The following NUP210L variants were observed in gnomAD, a reference collection of about 807,000 sequenced individuals.
NUP210L encodes nucleoporin 210 like, also known as nuclear pore membrane glycoprotein 210-like.
Under a neutral mutation model 208.5 loss-of-function variants are expected in NUP210L, and 74 were observed. The ratio of observed to expected loss-of-function variants is 0.35; its 90% CI spans 0.29 to 0.43. The LOEUF is 0.43. Among genes scored for constraint, NUP210L ranks in the 20% least tolerant of loss-of-function variants. The probability of loss-of-function intolerance (pLI) is 1.00; values close to 1 mark genes in which losing one functional copy is unlikely to be tolerated. For synonymous variants in NUP210L, 780 were observed against 816.9 expected, an observed-to-expected ratio of 0.95 and a Z score of 0.77; for missense variants, 1,843 against 2,289.4, an observed-to-expected ratio of 0.81 and a Z score of 3.98.
intron 23 of NUP210L, among the ~76,000 whole-genome samples, chr1:154,055,487 G>A (rs1653813776): frequency 6.6e-6 from 1 of 152,080 alleles, no homozygotes; most frequent in Non-Finnish European, 1.5e-5. Flanking sequence ...CTAACCTCAG[G>A]TGATCCACCT....
chr1:154,057,565 T>C (rs1653932093), intron 22 of NUP210L, among the ~76,000 whole-genome samples: 1 of 152,106 alleles, frequency 6.6e-6, no homozygotes, highest in Non-Finnish European at 1.5e-5. Flanking sequence ...CCTCTAAATA[T>C]ATTTTTAAAG....
At chr1:154,065,699 C>T (rs1472393598) in intron 17 of NUP210L, among the ~76,000 whole-genome samples, 1 of 151,900 alleles carries the variant, frequency 6.6e-6, no homozygotes, top group African/African-American at 2.4e-5. Flanking sequence ...TCGAGACCAT[C>T]TTGGGCAACA....
At position 154,059,929 on chromosome 1, in the gene NUP210L, T is replaced by C. The variant is rs79660639; in HGVS notation, c.2850+611A>G. On this transcript the variant is annotated intron_variant, in intron 20 of 39. Coordinates refer to ENST00000368559, the Ensembl canonical transcript of NUP210L. ...GTTAATGTTTTGAGTTGTCATGTCC[T>C]GGCTGAAAACATCATATATTCATGT... 4.2e-3 allele frequency among the ~76,000 whole-genome samples: 647 copies of C among 152,328 alleles called. 2 individuals are homozygous for C. The highest frequency in any genetic ancestry group is 0.012 in the African/African-American group (494 of 41,570).
intron 17 of NUP210L, among the ~76,000 whole-genome samples, chr1:154,065,518 C>T (rs1271777602): frequency 1.3e-5 from 2 of 152,086 alleles, no homozygotes; most frequent in Non-Finnish European, 2.9e-5. Context: ...GGAAAACTAC[C>T]TTCACATTTT....
rs151064115 is a variant in NUP210L, at chr1:154,115,875, A to T, written c.1620+1850T>A. 2.6e-3 allele frequency among the ~76,000 whole-genome samples: 400 copies of T among 151,864 alleles called. 2 individuals carry two copies. The highest frequency in any genetic ancestry group is 9.2e-3 in the African/African-American group (381 of 41,412). ...GGCTCATGCCTGTAATCCCACCACTATGGAAGGCCGGGGTGGGCGGATCAC... is the reference window on the plus strand; with the variant it reads ...GGCTCATGCCTGTAATCCCACCACTTTGGAAGGCCGGGGTGGGCGGATCAC... On this transcript the variant is annotated intron_variant, in intron 12 of 39. Transcript: ENST00000368559.
intron 23 of NUP210L, among the ~76,000 whole-genome samples, chr1:154,055,171 C>CTTTCTTTT (rs767016306): frequency 8.6e-6 from 1 of 116,386 alleles, no homozygotes; most frequent in South Asian, 3.0e-4. Context: ...TTCTTTCTTT[C>CTTTCTTTT]TTTCTTTCTT....
chr1:154,128,872 C>CA (rs919367409), intron 8 of NUP210L, among the ~76,000 whole-genome samples: 3 of 151,642 alleles, frequency 2.0e-5, no homozygotes, highest in Non-Finnish European at 4.4e-5. Context: ...CAAACACAAA[C>CA]AAAAAAAAGA....
chr1:154,029,791 A>AAC, intron 28 of NUP210L, 105 bp downstream of exon 28: 1 of 863,496 alleles, frequency 1.2e-6, no homozygotes, highest in Non-Finnish European at 1.8e-6. Flanking sequence ...GAATCGCTCT[A>AAC]ACAATTATCT....
intron 16 of NUP210L, chr1:154,079,945 T>G (rs1168473375): frequency 6.6e-6 from 1 of 152,274 alleles, no homozygotes; most frequent in Non-Finnish European, 1.5e-5. Context: ...TAATTTTAAA[T>G]TCCTAGAGTT....
intron 4 of NUP210L, among the ~76,000 whole-genome samples, 167 bp from the exon 5 acceptor site, chr1:154,140,119 G>A (rs1658763951): frequency 6.6e-6 from 1 of 152,076 alleles, no homozygotes; most frequent in Non-Finnish European, 1.5e-5. Flanking sequence ...GGGAGGCCAA[G>A]GCGGGCACAT....
At chr1:154,095,019 A>G in exon 15 of NUP210L, 1 of 1,614,152 alleles carries the variant, frequency 6.2e-7, no homozygotes, top group Non-Finnish European at 8.5e-7. Context: ...GTGCTATTCC[A>G]ATCTTCTCTG....
chr1:154,113,279 T>C (rs1260465714), intron 12 of NUP210L, among the ~76,000 whole-genome samples: 2 of 150,040 alleles, frequency 1.3e-5, no homozygotes, highest in Non-Finnish European at 3.0e-5. Context: ...ATATATGTTA[T>C]TTACTATTAT....
chr1:154,109,645 T>C (rs571039703), intron 12 of NUP210L, among the ~76,000 whole-genome samples: 1 of 151,610 alleles, frequency 6.6e-6, no homozygotes, highest in East Asian at 1.9e-4. Flanking sequence ...ATAGACTACG[T>C]TAGGTCCAAA....
chr1:154,075,299 G>C lies in NUP210L; in HGVS notation c.2362-4834C>G, dbSNP rs549359461. On this transcript the variant is annotated intron_variant, in intron 16 of 39. Coordinates refer to ENST00000368559, the Ensembl canonical transcript of NUP210L. ...TGTCTCTAAGCTCTCATATATATGT[G>C]AGACATACCCACGTATACATATATA... is the stretch of plus-strand genomic sequence containing the variant. Among the ~76,000 whole-genome samples, 22 of 152,134 alleles carry C rather than the reference G, an allele frequency of 1.4e-4. No homozygotes were observed. In the South Asian group the frequency reaches 4.6e-3, roughly 32 times the overall value.
intron 27 of NUP210L, 51 bp from the exon 28 acceptor site, chr1:154,030,105 C>A: frequency 1.5e-6 from 2 of 1,305,132 alleles, no homozygotes; most frequent in South Asian, 3.6e-5. Context: ...AACATGGTGT[C>A]CTTCCTTTTT....
At chr1:154,022,906 G>A (rs1440200608) in intron 31 of NUP210L, among the ~76,000 whole-genome samples, 1 of 151,548 alleles carries the variant, frequency 6.6e-6, no homozygotes, top group African/African-American at 2.4e-5. Flanking sequence ...CGAACTCCTG[G>A]GCCCAAGTGA....
chr1:154,080,682 CAAAT>C (rs543606840), intron 16 of NUP210L, among the ~76,000 whole-genome samples: 24 of 150,402 alleles, frequency 1.6e-4, no homozygotes, highest in African/African-American at 5.1e-4. Context: ...GAGACCATCT[CAAAT>C]AAATAAATAA....
In NUP210L at chr1:154,030,069, G is replaced by C. The variant is rs1652123843; in HGVS notation, c.3697-15C>G. 6.6e-7 allele frequency: 1 copy of C among 1,510,584 alleles called. No individual in the cohort carries two copies. Among genetic ancestry groups the C allele is most frequent in the African/African-American group, 1.4e-5 (1 of 70,008 alleles). 93.6% of individuals were successfully genotyped at this position (1,510,584 alleles called of 1,614,324 possible). A position where few individuals can be genotyped will look rare whatever the true frequency, so the allele number is the denominator to read the frequency against. On this transcript the variant is annotated splice_polypyrimidine_tract_variant and intron_variant, in intron 27 of 39. Coordinates refer to ENST00000368559, the Ensembl canonical transcript of NUP210L. ...TGTAGAAAAACCTAGACAGTGAAGG[G>C]ATAGATTAAGAAATATTCATCAATA...
At chr1:154,154,997 A>C in exon 1 of NUP210L, 2 of 1,613,756 alleles carry the variant, frequency 1.2e-6, no homozygotes, top group African/African-American at 2.7e-5. Context: ...GCAAGAAGAA[A>C]AAGAGCCCGA....
Sources: allele counts gnomAD v4.1 joint callset (sites outside exome capture counted in the v4.1 genomes callset), GRCh38; gene constraint gnomAD v4.1.1; transcripts MANE v1.5; gene names NCBI Gene and HGNC (gene_info 2026-07-23, HGNC 2026-07-21).